AGMO: variants seen among roughly 807,000 people sequenced by gnomAD.
The protein encoded by AGMO is glyceryl-ether monooxygenase.
AGMO carries 75 observed loss-of-function variants against 60.2 expected under a neutral mutation model. The observed-to-expected ratio is 1.25, with a 90% confidence interval of 1.03 to 1.51. AGMO has a LOEUF of 1.51. Ranked by LOEUF, AGMO falls within the 40% of genes most tolerant of loss-of-function variation. The probability of loss-of-function intolerance (pLI) is 0.00; values close to 1 mark genes in which losing one functional copy is unlikely to be tolerated. For missense variants in AGMO, 763 were observed against 525.5 expected, an observed-to-expected ratio of 1.45 and a Z score of -4.42; for synonymous variants, 261 against 177.1, an observed-to-expected ratio of 1.47 and a Z score of -3.76.
chr7:15,349,716 C>A (rs1782165517), intron 12 of AGMO, among the ~76,000 whole-genome samples: 1 of 152,020 alleles, frequency 6.6e-6, no homozygotes, highest in South Asian at 2.1e-4. Flanking sequence ...GCTGTGGAGG[C>A]CTCAGGAAAC....
chr7:15,132,986 T>A, the AGMO span, among the ~76,000 whole-genome samples: 1 of 152,128 alleles, frequency 6.6e-6, no homozygotes, highest in East Asian at 1.9e-4. Flanking sequence ...ATGGTCAACC[T>A]TTGACAGAAC....
At chr7:15,338,172 G>C (rs1444505722) in intron 12 of AGMO, among the ~76,000 whole-genome samples, 4 of 152,014 alleles carry the variant, frequency 2.6e-5, no homozygotes, top group Non-Finnish European at 1.5e-5. Context: ...TTTTAAGTAA[G>C]GTGGAATTCA....
At chr7:15,535,594 C>A (rs574280192) in intron 3 of AGMO, among the ~76,000 whole-genome samples, 2 of 151,998 alleles carry the variant, frequency 1.3e-5, no homozygotes, top group South Asian at 4.1e-4. Flanking sequence ...TATATCTGGA[C>A]TTTCTTCCCT....
At chr7:15,301,172 C>T (rs758337266) in intron 12 of AGMO, among the ~76,000 whole-genome samples, 2 of 152,140 alleles carry the variant, frequency 1.3e-5, no homozygotes, top group South Asian at 2.1e-4. Context: ...GGCGCGGTGG[C>T]TCATGCCTGT....
intron 12 of AGMO, among the ~76,000 whole-genome samples, chr7:15,246,047 G>C (rs1004732260): frequency 4.6e-5 from 7 of 150,998 alleles, no homozygotes; most frequent in African/African-American, 1.2e-4. Flanking sequence ...ATCACTGAAG[G>C]CTTAAAAAAA....
chr7:15,322,875 CAA>C (rs1781217812), intron 12 of AGMO, among the ~76,000 whole-genome samples: 1 of 144,450 alleles, frequency 6.9e-6, no homozygotes, highest in Non-Finnish European at 1.5e-5. Context: ...ACAAAATTAT[CAA>C]AACTCTTTCT....
chr7:15,237,358 G>T (rs1401635062), intron 12 of AGMO, among the ~76,000 whole-genome samples: 1 of 152,066 alleles, frequency 6.6e-6, no homozygotes, highest in African/African-American at 2.4e-5. Context: ...GCTCATGCAG[G>T]CTTTCTTTTC....
intron 8 of AGMO, among the ~76,000 whole-genome samples, chr7:15,390,335 C>T (rs571201105): frequency 2.6e-5 from 4 of 152,214 alleles, no homozygotes; most frequent in African/African-American, 2.4e-5. Context: ...TTTCTTACTG[C>T]GGGATCAGCC....
At chr7:15,161,944 G>A in the AGMO span, among the ~76,000 whole-genome samples, 5 of 151,962 alleles carry the variant, frequency 3.3e-5, no homozygotes, top group Non-Finnish European at 7.4e-5. Flanking sequence ...GATATGATTC[G>A]TCTCAGTGTC....
chr7:15,366,419 G>A (rs1370973207), intron 10 of AGMO, among the ~76,000 whole-genome samples, 197 bp from the exon 11 acceptor site: 1 of 152,078 alleles, frequency 6.6e-6, no homozygotes, highest in Non-Finnish European at 1.5e-5. Flanking sequence ...GACACTTGGA[G>A]AATTAGACAA....
At chr7:15,303,461 G>A (rs1262651784) in intron 12 of AGMO, among the ~76,000 whole-genome samples, 2 of 151,862 alleles carry the variant, frequency 1.3e-5, no homozygotes, top group Non-Finnish European at 2.9e-5. Flanking sequence ...GAGAAGGGGT[G>A]GTGAACATCT....
intron 3 of AGMO, among the ~76,000 whole-genome samples, chr7:15,485,560 A>T (rs1782897030): frequency 1.3e-5 from 2 of 152,152 alleles, no homozygotes; most frequent in South Asian, 4.1e-4. Context: ...ACCCTGTTCA[A>T]TGTTAACAAA....
intron 12 of AGMO, among the ~76,000 whole-genome samples, chr7:15,209,415 C>T (rs542380104): frequency 8.6e-5 from 13 of 151,964 alleles, no homozygotes; most frequent in Admixed American, 2.6e-4. Context: ...GGAAAAAATG[C>T]CATGTTTACA....
At chr7:15,275,712 G>T (rs1783764676) in intron 12 of AGMO, among the ~76,000 whole-genome samples, 2 of 151,932 alleles carry the variant, frequency 1.3e-5, no homozygotes, top group Admixed American at 6.6e-5. Flanking sequence ...ATGAATCTGG[G>T]TTTTCTGGTG....
At chr7:15,320,757 A>G (rs1781084243) in intron 12 of AGMO, among the ~76,000 whole-genome samples, 1 of 152,278 alleles carries the variant, frequency 6.6e-6, no homozygotes, top group Non-Finnish European at 1.5e-5. Flanking sequence ...ATGCATACAA[A>G]CAAACTTGAA....
At chr7:15,319,857 G>A (rs2128537738) in intron 12 of AGMO, among the ~76,000 whole-genome samples, 1 of 152,112 alleles carries the variant, frequency 6.6e-6, no homozygotes, top group South Asian at 2.1e-4. Flanking sequence ...GAGGAAGAAA[G>A]CAGTATACAG....
At chr7:15,480,256 A>G (rs928456566) in intron 3 of AGMO, among the ~76,000 whole-genome samples, 19 of 152,170 alleles carry the variant, frequency 1.2e-4, no homozygotes, top group African/African-American at 4.6e-4. Flanking sequence ...GTTACGTGGA[A>G]GAAACTTTGG....
chr7:15,497,080 G>T (rs1783253084), intron 3 of AGMO, among the ~76,000 whole-genome samples: 1 of 152,110 alleles, frequency 6.6e-6, no homozygotes, highest in African/African-American at 2.4e-5. Context: ...ATATGAGCTG[G>T]AAGTCAGAGG....
chr7:15,345,190 A>C (rs999029768), intron 12 of AGMO, among the ~76,000 whole-genome samples: 3 of 152,170 alleles, frequency 2.0e-5, no homozygotes, highest in Non-Finnish European at 4.4e-5. Flanking sequence ...CAAAATCCCA[A>C]GCTCAAGTGC....
Sources: allele counts gnomAD v4.1 joint callset (sites outside exome capture counted in the v4.1 genomes callset), GRCh38; gene constraint gnomAD v4.1.1; transcripts MANE v1.5; gene names NCBI Gene and HGNC (gene_info 2026-07-23, HGNC 2026-07-21).